The following SYN3 variants were observed in gnomAD, a reference collection of about 807,000 sequenced individuals.
SYN3 encodes the protein synapsin III.
SYN3 carries 35 observed loss-of-function variants against 65.8 expected under a neutral mutation model. The ratio of observed to expected loss-of-function variants is 0.53; its 90% CI spans 0.41 to 0.70. The LOEUF (loss-of-function observed/expected upper bound fraction) is 0.70, where lower values mean the gene tolerates loss of function less well. Ranked by LOEUF, SYN3 falls within the 30% of genes least tolerant of loss-of-function variation. The pLI, the probability that SYN3 is intolerant of heterozygous loss-of-function variation, is 0.00. For synonymous variants in SYN3, 270 were observed against 292.9 expected (o/e 0.92, Z 0.80); for missense variants, 680 against 749.0 (o/e 0.91, Z 1.08).
At chr22:32,939,273 G>A (rs1238663085) in intron 3 of SYN3, among the ~76,000 whole-genome samples, 1 of 152,232 alleles carries the variant, frequency 6.6e-6, no homozygotes, top group East Asian at 1.9e-4. Context: ...ACTGCTGAAA[G>A]GTTCTCACAG....
intron 1 of SYN3, among the ~76,000 whole-genome samples, chr22:33,046,618 G>A (rs1387396939): frequency 6.6e-6 from 1 of 151,984 alleles, no homozygotes; most frequent in African/African-American, 2.4e-5. Context: ...CGAGGCAGGT[G>A]GATCACGAGG....
intron 2 of SYN3, among the ~76,000 whole-genome samples, chr22:32,991,666 C>T (rs2052721270): frequency 6.6e-6 from 1 of 152,176 alleles, no homozygotes; most frequent in Non-Finnish European, 1.5e-5. Context: ...CCACCTGCCC[C>T]TTCACTCACG....
intron 6 of SYN3, among the ~76,000 whole-genome samples, chr22:32,802,809 GAA>G (rs1246746154): frequency 6.6e-6 from 1 of 152,198 alleles, no homozygotes; most frequent in Non-Finnish European, 1.5e-5. Flanking sequence ...ACATAGCTGT[GAA>G]AATTCACAGG....
chr22:32,804,326 A>G (rs920629763), intron 6 of SYN3, among the ~76,000 whole-genome samples: 35 of 152,252 alleles, frequency 2.3e-4, no homozygotes, highest in African/African-American at 8.4e-4. Flanking sequence ...GCTGGCGTCC[A>G]GTACTTGGCT....
At chr22:32,888,259 T>C (rs2049349299) in intron 4 of SYN3, among the ~76,000 whole-genome samples, 1 of 152,194 alleles carries the variant, frequency 6.6e-6, no homozygotes, top group African/African-American at 2.4e-5. Context: ...ATGTTATTAT[T>C]TTTAAGGTCA....
chr22:32,531,277 C>T (rs965237522), intron 10 of SYN3, among the ~76,000 whole-genome samples: 96 of 151,408 alleles, frequency 6.3e-4, no homozygotes, highest in Non-Finnish European at 7.4e-5. Context: ...GGGACAGTCT[C>T]TCAGTCACCA....
intron 1 of SYN3, among the ~76,000 whole-genome samples, chr22:33,038,871 C>G (rs1229224495): frequency 1.3e-5 from 2 of 152,190 alleles, no homozygotes; most frequent in African/African-American, 4.8e-5. Flanking sequence ...CCAAAGGATC[C>G]CTGAGCTGCA....
chr22:32,661,623 C>A (rs1344574447), intron 6 of SYN3, among the ~76,000 whole-genome samples: 3 of 152,118 alleles, frequency 2.0e-5, no homozygotes, highest in Non-Finnish European at 4.4e-5. Context: ...TGCCCTAGAG[C>A]ACTGTGGAGA....
chr22:32,768,572 T>C (rs936779402), intron 6 of SYN3, among the ~76,000 whole-genome samples: 3 of 152,146 alleles, frequency 2.0e-5, no homozygotes, highest in African/African-American at 7.2e-5. Flanking sequence ...AATGTGTGTA[T>C]CCCATGGGCA....
chr22:32,938,535 AAAAAAAAAAAGAAAAAGAAAAAGG>A (rs2050841924), intron 3 of SYN3, among the ~76,000 whole-genome samples: 1 of 151,834 alleles, frequency 6.6e-6, no homozygotes. Context: ...GTCTCAGAAA[AAAAAAAAAAAGAAAAAGAAAAAGG>A]AAAAGAAAAA....
chr22:32,640,868 GAA>G (rs548787333), intron 6 of SYN3, among the ~76,000 whole-genome samples: 1 of 147,312 alleles, frequency 6.8e-6, no homozygotes, highest in Non-Finnish European at 1.5e-5. Flanking sequence ...CTCTGTCTCG[GAA>G]AAAAAAAAAT....
At position 33,017,758 on chromosome 22, in the gene SYN3, A is replaced by AG. The variant is rs1367365802; in HGVS notation, c.-162-10935dup. Among the ~76,000 whole-genome samples the AG allele has an allele frequency of 2.9e-5, 3 of 103,148 alleles. No individual in the cohort carries two copies. The Admixed American group carries it at 3.3e-4, about 11-fold the overall frequency. 67.7% of individuals were successfully genotyped at this position (103,148 alleles called of 152,430 possible). On this transcript the variant is annotated intron_variant, in intron 1 of 13. Coordinates refer to ENST00000358763, the MANE Select transcript of SYN3 (RefSeq NM_003490.4). ...ACTGAATTTGTTTATCGGTTCTAAC[A>AG]GGTTTTTTTTTTTTTGTAGAATCTT...
intron 6 of SYN3, among the ~76,000 whole-genome samples, chr22:32,809,764 T>TAA (rs1187844518): frequency 7.2e-5 from 11 of 152,254 alleles, no homozygotes; most frequent in Admixed American, 2.6e-4. Context: ...AGTTTTCTCA[T>TAA]GGGTTCCTGG....
intron 4 of SYN3, among the ~76,000 whole-genome samples, chr22:32,893,015 T>C (rs1025612144): frequency 2.6e-5 from 4 of 152,184 alleles, no homozygotes; most frequent in African/African-American, 9.7e-5. Context: ...GTCTGGAATC[T>C]ATTTCTGGAC....
At chr22:32,705,791 C>T (rs1189572629) in intron 6 of SYN3, among the ~76,000 whole-genome samples, 4 of 152,134 alleles carry the variant, frequency 2.6e-5, no homozygotes, top group African/African-American at 9.7e-5. Flanking sequence ...AGCTGTATTC[C>T]TAGGTATTTT....
intron 3 of SYN3, among the ~76,000 whole-genome samples, chr22:32,938,073 A>G (rs192868737): frequency 4.0e-4 from 61 of 152,290 alleles, no homozygotes; most frequent in Non-Finnish European, 6.9e-4. Flanking sequence ...AGAATAACCA[A>G]CTTATTAAAA....
At chr22:32,823,226 T>C (rs1224068132) in intron 6 of SYN3, among the ~76,000 whole-genome samples, 2 of 152,162 alleles carry the variant, frequency 1.3e-5, no homozygotes, top group African/African-American at 4.8e-5. Context: ...ACCTTCTGGC[T>C]CCTGGTGGGA....
chr22:32,647,402 A>C (rs2146927151), intron 6 of SYN3, among the ~76,000 whole-genome samples: 1 of 152,246 alleles, frequency 6.6e-6, no homozygotes, highest in Admixed American at 6.5e-5. Context: ...TATGCTGAGA[A>C]AGTTATTTCC....
Position 32,912,157 on chromosome 22 carries a change from C to G in SYN3, c.461+19233G>C, listed in dbSNP as rs2050067696. Among the ~76,000 whole-genome samples, 3 of 152,160 alleles carry G rather than the reference C, an allele frequency of 2.0e-5. No individual in the cohort carries two copies. In the South Asian group the frequency reaches 6.2e-4, roughly 31 times the overall value. Reference sequence around the variant, plus strand: ...ATGGGAGCTATACATATAGTTCCTCCACTGACTCAGTAAAGACTGATAGTT... The same window carrying G: ...ATGGGAGCTATACATATAGTTCCTCGACTGACTCAGTAAAGACTGATAGTT... On this transcript the variant is annotated intron_variant, in intron 4 of 13. Transcript: ENST00000358763.
Sources: gnomAD v4.1 joint callset for allele counts (sites outside exome capture counted in the v4.1 genomes callset) on GRCh38, gnomAD v4.1.1 for gene constraint, MANE v1.5 for transcripts, NCBI Gene and HGNC (gene_info 2026-07-23, HGNC 2026-07-21) for gene names.